WDFY3: variants seen among roughly 807,000 people sequenced by gnomAD.
WDFY3 encodes WD repeat and FYVE domain-containing protein 3.
In WDFY3, 66 loss-of-function variants were observed where a neutral mutation model predicts 409.6. The observed-to-expected ratio is 0.16, with a 90% CI of 0.13 to 0.20. The LOEUF (loss-of-function observed/expected upper bound fraction) is 0.20, where lower values mean the gene tolerates loss of function less well. Among genes scored for constraint, WDFY3 ranks in the 10% least tolerant of loss-of-function variants. The pLI is 1.00. For missense variants in WDFY3, 3,031 were observed against 4,298.1 expected, an observed-to-expected ratio of 0.71 and a Z score of 8.24; for synonymous variants, 1,521 against 1,537.1, an observed-to-expected ratio of 0.99 and a Z score of 0.25.
intron 3 of WDFY3, among the ~76,000 whole-genome samples, chr4:84,883,705 C>G (rs1763838751): frequency 6.6e-6 from 1 of 152,060 alleles, no homozygotes; most frequent in African/African-American, 2.4e-5. Flanking sequence ...AACACCTCAA[C>G]TAGAGCTGGG....
chr4:84,812,519 T>C (rs761079415), intron 13 of WDFY3, among the ~76,000 whole-genome samples: 27 of 152,084 alleles, frequency 1.8e-4, no homozygotes, highest in Admixed American at 1.3e-4. Context: ...CAACAATAAC[T>C]AACCTCAAAG....
intron 17 of WDFY3, among the ~76,000 whole-genome samples, chr4:84,800,864 G>A (rs1449157051): frequency 6.6e-6 from 1 of 152,154 alleles, no homozygotes; most frequent in African/African-American, 2.4e-5. Context: ...TTTGACAGGA[G>A]GCAGAGCACA....
intron 4 of WDFY3, among the ~76,000 whole-genome samples, chr4:84,858,863 G>A (rs909099941): frequency 2.6e-5 from 4 of 151,930 alleles, no homozygotes; most frequent in African/African-American, 9.7e-5. Flanking sequence ...AAAAGAGACA[G>A]GGGAGAGTCA....
At chr4:84,746,446 C>T (rs1191789711) in intron 36 of WDFY3, among the ~76,000 whole-genome samples, 12 of 152,118 alleles carry the variant, frequency 7.9e-5, no homozygotes, top group African/African-American at 2.7e-4. Flanking sequence ...GACTATTAAA[C>T]GTACAGAAAT....
At chr4:84,863,164 A>T (rs1383903878) in intron 3 of WDFY3, among the ~76,000 whole-genome samples, 1 of 152,216 alleles carries the variant, frequency 6.6e-6, no homozygotes, top group Admixed American at 6.5e-5. Context: ...GGCTTTTGTG[A>T]ATAGTGCTGC....
chr4:84,707,508 T>C (rs1002932111), intron 53 of WDFY3, among the ~76,000 whole-genome samples: 3 of 152,046 alleles, frequency 2.0e-5, no homozygotes, highest in African/African-American at 7.2e-5. Flanking sequence ...TTTCCTGAGA[T>C]GGGGAATACA....
rs1169372702 is a variant in WDFY3 at position 84,692,634 on chromosome 4, TAAA to T, written c.9049+248_9049+250del. Among the ~76,000 whole-genome samples, 4 of 151,966 alleles carry T rather than the reference TAAA, an allele frequency of 2.6e-5. No individual in the cohort carries two copies. In the East Asian group the frequency reaches 7.7e-4, roughly 29 times the overall value. ...TGGTATTTTAGAGCTTTGATTATCT[TAAA>T]GAGGAGAGAGAAGACTGTTTGGTTC... On this transcript the variant is annotated intron_variant, in intron 59 of 67. Transcript: ENST00000295888.
rs531919025 is a variant in WDFY3 at position 84,861,437 on chromosome 4, G to A, written c.-31-815C>T. 5.3e-5 allele frequency among the ~76,000 whole-genome samples: 8 copies of A among 152,074 alleles called. No individual in the cohort carries two copies. In the East Asian group the frequency reaches 1.4e-3, roughly 26 times the overall value. On this transcript the variant is annotated intron_variant, in intron 3 of 67. Transcript: ENST00000295888. Reference sequence around the variant, plus strand: ...TTCAAGTATACTTTGAGTACATGAAGAATAGTGTATCTTATAGATTAAAAT... The same window carrying A: ...TTCAAGTATACTTTGAGTACATGAAAAATAGTGTATCTTATAGATTAAAAT...
At position 84,783,112 on chromosome 4, in the gene WDFY3, G is replaced by C. The variant is rs368978350; in HGVS notation, c.4063-38C>G. ...AAAGGAAAAGAATGTAATTATATAA[G>C]AACAGTTTCAATGTTTTGATTGGAA... On this transcript the variant is annotated intron_variant, in intron 24 of 67. Coordinates refer to ENST00000295888, the MANE Select transcript of WDFY3 (RefSeq NM_014991.6). 4.5e-6 allele frequency: 7 copies of C among 1,559,516 alleles called. No homozygotes were observed. The African/African-American group carries it at 8.1e-5, about 18-fold the overall frequency.
intron 2 of WDFY3, among the ~76,000 whole-genome samples, chr4:84,902,230 G>C (rs1766435523): frequency 6.6e-6 from 1 of 152,132 alleles, no homozygotes; most frequent in Non-Finnish European, 1.5e-5. Context: ...GACTGCCCAT[G>C]AGAAATCTGT....
At chr4:84,757,859 A>G (rs989227654) in intron 32 of WDFY3, among the ~76,000 whole-genome samples, 3 of 152,218 alleles carry the variant, frequency 2.0e-5, no homozygotes, top group African/African-American at 7.2e-5. Context: ...TGAGTAAGTA[A>G]AACAATCTTT....
intron 24 of WDFY3, among the ~76,000 whole-genome samples, chr4:84,784,755 T>C (rs1047827364): frequency 5.3e-5 from 8 of 150,394 alleles, no homozygotes; most frequent in Non-Finnish European, 1.2e-4. Flanking sequence ...GGAGAATCAC[T>C]TGAACCCAGG....
intron 58 of WDFY3, among the ~76,000 whole-genome samples, chr4:84,694,783 A>C (rs980779459): frequency 6.6e-5 from 10 of 152,180 alleles, no homozygotes; most frequent in African/African-American, 2.4e-4. Context: ...AAAAATAAAT[A>C]AAAATAAAAG....
intron 50 of WDFY3, 48 bp from the exon 51 acceptor site, chr4:84,713,287 G>A (rs1451335801): frequency 6.6e-7 from 1 of 1,518,318 alleles, no homozygotes; most frequent in South Asian, 1.1e-5. Flanking sequence ...TCTCAGTCAG[G>A]ATCTAATGGG....
At chr4:84,699,179 C>A (rs144678860) in intron 56 of WDFY3, among the ~76,000 whole-genome samples, 1 of 152,126 alleles carries the variant, frequency 6.6e-6, no homozygotes, top group East Asian at 1.9e-4. Flanking sequence ...TTTATCACCA[C>A]CAAAGTAATC....
At chr4:84,964,968 A>G (rs1350443572) in intron 1 of WDFY3, among the ~76,000 whole-genome samples, 1 of 152,252 alleles carries the variant, frequency 6.6e-6, no homozygotes, top group Non-Finnish European at 1.5e-5. Flanking sequence ...AGAGTTCTCA[A>G]TTCTAATGCA....
At position 84,696,091 on chromosome 4, in the gene WDFY3, G is replaced by A; in HGVS notation, c.8780C>T (p.Ala2927Val). The A allele has an allele frequency of 6.2e-7, 1 of 1,614,126 alleles. No individual in the cohort carries two copies. ...AAAAAGATGATGGAAGACATTTACA[G>A]CTTCTACTGCAGCAGGGCCTTGCTG... ...YKQQGPAAVEAVNVFHHLFYE... is the reference protein window; with the variant it reads ...YKQQGPAAVEVVNVFHHLFYE... Residue 2927 changes from alanine (A) to valine (V), a missense_variant, in exon 58 of 68, where the codon GCT (alanine) becomes GTT (valine). By Grantham distance (64) the Ala-to-Val change is moderately conservative. Around this residue, in one of 16 missense-constraint regions of WDFY3, gnomAD observed 129 missense variants for 305.3 expected, o/e 0.42. Transcript: ENST00000295888.
chr4:84,915,913 T>A (rs1768418251), intron 2 of WDFY3, among the ~76,000 whole-genome samples: 1 of 152,176 alleles, frequency 6.6e-6, no homozygotes, highest in Non-Finnish European at 1.5e-5. Context: ...TACCATGTTG[T>A]TTTCTAATCA....
intron 8 of WDFY3, among the ~76,000 whole-genome samples, chr4:84,830,073 G>A (rs1200794163): frequency 1.3e-5 from 2 of 152,036 alleles, no homozygotes; most frequent in Admixed American, 6.6e-5. Flanking sequence ...ATTTAACAGA[G>A]GAATGGGAGG....
Sources: gnomAD v4.1 joint callset for allele counts (sites outside exome capture counted in the v4.1 genomes callset) on GRCh38, gnomAD v4.1.1 for gene constraint, gnomAD v4.1.1 regional missense constraint, MANE v1.5 for transcripts, NCBI Gene and HGNC (gene_info 2026-07-23, HGNC 2026-07-21) for gene names.